OPN3: variants seen among roughly 807,000 people sequenced by gnomAD.
OPN3 encodes opsin-3.
Under a neutral mutation model 33.8 loss-of-function variants are expected in OPN3, and 29 were observed. The ratio of observed to expected loss-of-function variants is 0.86; its 90% CI spans 0.64 to 1.17. The LOEUF (loss-of-function observed/expected upper bound fraction) is 1.17, where lower values mean the gene tolerates loss of function less well. OPN3 is among the 50% of genes most tolerant of loss of function. OPN3 has a pLI of 0.00. For missense variants in OPN3, 437 were observed against 514.1 expected (o/e 0.85, Z 1.45); for synonymous variants, 216 against 216.1 (o/e 1.00, Z 0.00).
At chr1:241,634,005 G>A (rs1013429516) in intron 1 of OPN3, 2 of 1,613,794 alleles carry the variant, frequency 1.2e-6, no homozygotes, top group Non-Finnish European at 8.5e-7. Flanking sequence ...TTGACAGCAT[G>A]CTCATTTCCC....
intron 1 of OPN3, among the ~76,000 whole-genome samples, chr1:241,636,701 T>C (rs532989139): frequency 6.6e-6 from 1 of 152,308 alleles, no homozygotes; most frequent in Non-Finnish European, 1.5e-5. Context: ...ATTAAAAATA[T>C]TATATGAATG....
At chr1:241,625,192 A>G (rs1002789929) in intron 1 of OPN3, among the ~76,000 whole-genome samples, 3 of 152,226 alleles carry the variant, frequency 2.0e-5, no homozygotes, top group African/African-American at 7.2e-5. Flanking sequence ...TATTTTCTAT[A>G]GTTAACACCC....
chr1:241,597,820 A>G lies in OPN3; in HGVS notation c.871T>C (p.Ser291Pro), dbSNP rs1418070363. ...GHGHLVTPTI[S>P]IVSYLFAKSN... ...TTAGCAAAGAGGTACGAAACAATAG[A>G]TATTGTTGGAGTGACCAGGTGACCA... Residue 291 changes from serine (S) to proline (P), a missense_variant, in exon 3 of 4, where the codon TCT (serine) becomes CCT (proline). Transcript: ENST00000366554. 5.0e-6 allele frequency: 8 copies of G among 1,613,356 alleles called. No homozygotes were observed. The highest frequency in any genetic ancestry group is 6.8e-6 in the Non-Finnish European group (8 of 1,179,502).
chr1:241,598,101 A>C, intron 2 of OPN3, 104 bp from the exon 3 acceptor site: 2 of 1,291,140 alleles, frequency 1.5e-6, no homozygotes, highest in Non-Finnish European at 2.1e-6. Flanking sequence ...CCCCACCTAA[A>C]TGGAAAGAGA....
intron 1 of OPN3, among the ~76,000 whole-genome samples, chr1:241,637,909 T>A (rs116750606): frequency 0.015 from 2,291 of 152,206 alleles, 37 homozygotes; most frequent in Non-Finnish European, 0.02. Context: ...ATTTTTAACT[T>A]CCTCCCCTTC....
rs1665054125 is a variant in OPN3, at chr1:241,639,973, C to G, written c.282G>C (p.Gly94=). ...GGCAGGACACGAAGGTAAAGGTGAC[C>G]CCGAAGAGGGACACCAGCAGGTCGC... The part of the protein sequence containing the change: ...SLSDLLVSLF[G]VTFTFVSCLR... Residue 94 remains glycine (G), a synonymous_variant, in exon 1 of 4, where the codon GGG becomes GGC. Coordinates refer to ENST00000366554, the MANE Select transcript of OPN3 (RefSeq NM_014322.3). The G allele has an allele frequency of 1.9e-6, 3 of 1,612,376 alleles. No homozygotes were observed.
At position 241,640,155 on chromosome 1, in the gene OPN3, G is replaced by A. The variant is rs750177944; in HGVS notation, c.100C>T (p.Pro34Ser). The A allele has an allele frequency of 1.6e-5, 24 of 1,523,524 alleles. 1 individual carries two copies. The Admixed American group carries it at 3.4e-4, about 22-fold the overall frequency. The allele number at this position is 1,523,524 out of a possible 1,614,324, so 94.4% of individuals were successfully genotyped here. The change falls in exon 1 of 4, where the codon CCC becomes TCC. Residue 34 changes from proline (P) to serine (S), a missense_variant. By Grantham distance (74) the Pro-to-Ser change is moderately conservative (BLOSUM62 -1). Coordinates refer to ENST00000366554, the MANE Select transcript of OPN3 (RefSeq NM_014322.3). ...PAPAGTLSPA[P>S]LFSPGTYERL... The stretch of plus-strand genomic sequence containing the variant: ...TCGTAGGTGCCGGGGCTGAAGAGGG[G>A]CGCGGGGCTCAGTGTCCCCGCCGGC...
Position 241,635,762 on chromosome 1 carries a change from G to A in OPN3, c.373+4120C>T, listed in dbSNP as rs150637622. On this transcript the variant is annotated intron_variant, in intron 1 of 3. Coordinates refer to ENST00000366554, the MANE Select transcript of OPN3 (RefSeq NM_014322.3). ...ATCAAACTCTGTGGGAAGATTGTCC[G>A]CCATTTTAGGAAGTAACAGCGTCTG... The A allele has an allele frequency of 4.9e-5, 78 of 1,606,826 alleles. No individual in the cohort carries two copies. The highest frequency in any genetic ancestry group is 2.7e-4 in the Admixed American group (16 of 59,468).
intron 1 of OPN3, among the ~76,000 whole-genome samples, chr1:241,618,592 C>T (rs1016866875): frequency 2.6e-5 from 4 of 152,342 alleles, no homozygotes; most frequent in East Asian, 1.9e-4. Flanking sequence ...AGAGGTGCAG[C>T]GCAGAGGGGT....
intron 1 of OPN3, chr1:241,635,370 C>T (rs1664849204): frequency 6.2e-7 from 1 of 1,614,068 alleles, no homozygotes; most frequent in African/African-American, 1.3e-5. Flanking sequence ...TCCAGAACTT[C>T]AGTGAAGGTA....
intron 2 of OPN3, among the ~76,000 whole-genome samples, chr1:241,602,247 G>A (rs986279618): frequency 5.3e-5 from 8 of 152,258 alleles, no homozygotes; most frequent in Admixed American, 2.0e-4. Context: ...CCCTAGAATC[G>A]ATGGCAGGAG....
intron 1 of OPN3, among the ~76,000 whole-genome samples, chr1:241,621,815 A>G (rs1664275160): frequency 6.6e-6 from 1 of 152,148 alleles, no homozygotes; most frequent in African/African-American, 2.4e-5. Context: ...GGCCAACTGG[A>G]AAGGTTTTCC....
At chr1:241,627,545 G>A (rs1019484253) in intron 1 of OPN3, among the ~76,000 whole-genome samples, 3 of 152,154 alleles carry the variant, frequency 2.0e-5, no homozygotes, top group African/African-American at 7.2e-5. Context: ...AAATGTAGTT[G>A]TCAAGAGAAA....
chr1:241,620,976 G>T (rs1664258097), intron 1 of OPN3, among the ~76,000 whole-genome samples: 1 of 152,064 alleles, frequency 6.6e-6, no homozygotes, highest in South Asian at 2.1e-4. Context: ...CATCAAAAGG[G>T]AAAAATGTGT....
At position 241,604,573 on chromosome 1, in the gene OPN3, A is replaced by C; in HGVS notation, c.380T>G (p.Val127Gly). The C allele has an allele frequency of 6.2e-7, 1 of 1,609,078 alleles. No individual in the cohort carries two copies. The highest frequency in any genetic ancestry group is 8.5e-7 in the Non-Finnish European group (1 of 1,176,502). Reference sequence around the variant, plus strand: ...CAGCACGGTTAGGGTGGCAATGGAAACAATCCCTGCAAGAAGAGAAAGTGG... The same window carrying C: ...CAGCACGGTTAGGGTGGCAATGGAACCAATCCCTGCAAGAAGAGAAAGTGG... ...DGFSGSLFGI[V>G]SIATLTVLAY... is the part of the protein sequence containing the mutation. Residue 127 changes from valine to glycine, a missense_variant, in exon 2 of 4, where the codon GTT (valine) becomes GGT (glycine). Physicochemically the swap from Val to Gly is moderately radical, Grantham distance 109. Coordinates refer to ENST00000366554, the MANE Select transcript of OPN3 (RefSeq NM_014322.3).
chr1:241,604,086 G>C (rs1663754134), intron 2 of OPN3, among the ~76,000 whole-genome samples, 174 bp downstream of exon 2: 1 of 152,148 alleles, frequency 6.6e-6, no homozygotes, highest in Non-Finnish European at 1.5e-5. Flanking sequence ...ATTCCGCATT[G>C]ATCTTTCCAG....
chr1:241,614,745 C>T (rs850688), intron 1 of OPN3, among the ~76,000 whole-genome samples: 173 of 84,808 alleles, frequency 2.0e-3, no homozygotes, highest in South Asian at 6.6e-3. Flanking sequence ...CAGTCCCATT[C>T]GGACAGATAT....
rs145216746 is a variant in OPN3, at chr1:241,604,810, C to T, written c.374-231G>A. Among the ~76,000 whole-genome samples, 1,288 of 152,198 alleles carry T rather than the reference C, an allele frequency of 8.5e-3. 20 individuals are homozygous for T. Among genetic ancestry groups the T allele is most frequent in the African/African-American group, 0.029 (1,209 of 41,520 alleles). The stretch of plus-strand genomic sequence containing the variant: ...GTGGCTCACGCCTGTAATCCTAACA[C>T]TTTGGGAGGCTGAGGTGGGAGGATT... On this transcript the variant is annotated intron_variant, in intron 1 of 3. Coordinates refer to ENST00000366554, the MANE Select transcript of OPN3 (RefSeq NM_014322.3).
intron 1 of OPN3, among the ~76,000 whole-genome samples, chr1:241,636,740 AAAGT>A (rs2148031119): frequency 6.6e-6 from 1 of 152,288 alleles, no homozygotes; most frequent in African/African-American, 2.4e-5. Flanking sequence ...ATAAAGGAAA[AAAGT>A]GTGTAAGTGT....
Sources: gnomAD v4.1 joint callset for allele counts (sites outside exome capture counted in the v4.1 genomes callset) on GRCh38, gnomAD v4.1.1 for gene constraint, MANE v1.5 for transcripts, NCBI Gene and HGNC (gene_info 2026-07-23, HGNC 2026-07-21) for gene names.